DLG1: variants seen among roughly 807,000 people sequenced by gnomAD.
The protein encoded by DLG1 is disks large homolog 1.
In DLG1, 42 loss-of-function variants were observed where a neutral mutation model predicts 123.4. The observed-to-expected ratio is 0.34, with a 90% CI of 0.27 to 0.44. DLG1 has a LOEUF of 0.44. DLG1 is among the 20% of genes least tolerant of loss of function. The pLI, the probability that DLG1 is intolerant of heterozygous loss-of-function variation, is 1.00. For missense variants in DLG1, 942 were observed against 1,082.6 expected (o/e 0.87, Z 1.82); for synonymous variants, 317 against 356.2 (o/e 0.89, Z 1.24).
At chr3:197,105,864 G>A (rs1036706248) in intron 13 of DLG1, among the ~76,000 whole-genome samples, 1 of 152,024 alleles carries the variant, frequency 6.6e-6, no homozygotes, top group Non-Finnish European at 1.5e-5. Flanking sequence ...ATAGAATATG[G>A]CAATGTTCAG....
chr3:197,293,900 T>C (rs2151273672), intron 3 of DLG1: 1 of 108,708 alleles, frequency 9.2e-6, no homozygotes, highest in Middle Eastern at 5.4e-4. Context: ...AGAGTGCCAC[T>C]TACTGAGAGA....
chr3:197,054,333 TCTCTCTA>T (rs896621095), intron 23 of DLG1, among the ~76,000 whole-genome samples: 1 of 13,982 alleles, frequency 7.2e-5, no homozygotes, highest in Non-Finnish European at 1.4e-4. Context: ...CTCTCTGCCT[TCTCTCTA>T]TTCTCCTTCA....
In DLG1 at chr3:197,174,567, T is replaced by C. The variant is rs562109647; in HGVS notation, c.483+19858A>G. On this transcript the variant is annotated intron_variant, in intron 5 of 24. Coordinates refer to ENST00000667157, the MANE Select transcript of DLG1 (RefSeq NM_001366207.1). ...TTGTTCTCCCTTCAAAATCCTGCTA[T>C]GGTACTTAGTTTGGCTAAAGCAATT... Among the ~76,000 whole-genome samples, 4 of 152,340 alleles carry C rather than the reference T, an allele frequency of 2.6e-5. No homozygotes were observed. In the East Asian group the frequency reaches 7.7e-4, roughly 29 times the overall value.
chr3:197,194,724 C>G (rs1721487546), intron 4 of DLG1, 135 bp from the exon 5 acceptor site: 5 of 488,194 alleles, frequency 1.0e-5, no homozygotes, highest in Non-Finnish European at 3.5e-6. Context: ...CATCAGATCT[C>G]AGAGAAATAG....
intron 4 of DLG1, among the ~76,000 whole-genome samples, chr3:197,245,123 AT>A (rs1465117877): frequency 1.3e-5 from 2 of 152,058 alleles, no homozygotes; most frequent in Non-Finnish European, 2.9e-5. Flanking sequence ...GGTTTGGTTC[AT>A]TCTTTCTACT....
intron 5 of DLG1, among the ~76,000 whole-genome samples, chr3:197,187,186 C>T (rs954991324): frequency 7.9e-5 from 12 of 152,150 alleles, no homozygotes; most frequent in African/African-American, 2.9e-4. Flanking sequence ...TCAGTGCATG[C>T]AAACTATATG....
chr3:197,242,255 T>C (rs1324679261), intron 4 of DLG1, among the ~76,000 whole-genome samples: 3 of 152,012 alleles, frequency 2.0e-5, no homozygotes, highest in Non-Finnish European at 4.4e-5. Context: ...GATATAACAA[T>C]TATAAATATT....
chr3:197,232,380 AG>A (rs1743651346), intron 4 of DLG1, among the ~76,000 whole-genome samples: 1 of 143,994 alleles, frequency 6.9e-6, no homozygotes, highest in African/African-American at 2.5e-5. Flanking sequence ...AAAAAAAAAA[AG>A]GTGCAAGAAG....
At chr3:197,230,282 A>G (rs1384541242) in intron 4 of DLG1, among the ~76,000 whole-genome samples, 3 of 152,328 alleles carry the variant, frequency 2.0e-5, no homozygotes, top group South Asian at 4.1e-4. Context: ...TGAATTTATT[A>G]AGTAAATATA....
intron 4 of DLG1, among the ~76,000 whole-genome samples, chr3:197,267,040 C>G (rs1761966726): frequency 6.6e-6 from 1 of 152,140 alleles, no homozygotes; most frequent in South Asian, 2.1e-4. Context: ...GCACCAAATT[C>G]AAGACAGAGG....
intron 4 of DLG1, among the ~76,000 whole-genome samples, chr3:197,199,499 C>A (rs1724476537): frequency 6.6e-6 from 1 of 152,098 alleles, no homozygotes. Context: ...CCCAACATAT[C>A]TCATTATGTA....
intron 11 of DLG1, among the ~76,000 whole-genome samples, chr3:197,127,315 A>C (rs952234592): frequency 2.1e-5 from 3 of 146,024 alleles, no homozygotes; most frequent in Admixed American, 6.9e-5. Flanking sequence ...CCCTGCTACT[A>C]GGGGGGCTGA....
At chr3:197,294,983 G>A (rs1020370028) in intron 3 of DLG1, among the ~76,000 whole-genome samples, 3 of 151,962 alleles carry the variant, frequency 2.0e-5, no homozygotes, top group Non-Finnish European at 4.4e-5. Context: ...AAATTACTAG[G>A]CTCAATGTTG....
chr3:197,207,811 C>A (rs1204242444), intron 4 of DLG1, among the ~76,000 whole-genome samples: 2 of 128,452 alleles, frequency 1.6e-5, no homozygotes, highest in African/African-American at 5.0e-5. Flanking sequence ...GTAGCTACAA[C>A]AAAAATATCC....
Position 197,221,412 on chromosome 3 carries a change from C to T in DLG1, c.319-26823G>A, listed in dbSNP as rs527672415. ...GCGGGCGCCTGTAATCCCAGCTACT[C>T]GGGAGGCTGACGTGGGAAAATCACT... On this transcript the variant is annotated intron_variant, in intron 4 of 24. Transcript: ENST00000667157. Among the ~76,000 whole-genome samples the T allele has an allele frequency of 8.6e-5, 13 of 151,962 alleles. No homozygotes were observed. The South Asian group carries it at 1.9e-3, about 22-fold the overall frequency.
chr3:197,203,985 A>G (rs1442807834), intron 4 of DLG1, among the ~76,000 whole-genome samples: 4 of 152,224 alleles, frequency 2.6e-5, no homozygotes, highest in Non-Finnish European at 4.4e-5. Flanking sequence ...TCTCTGTGGC[A>G]GAAGGCCCCG....
At chr3:197,298,786 C>G (rs530777646), upstream of DLG1, among the ~76,000 whole-genome samples, 2 of 152,104 alleles carry the variant, frequency 1.3e-5, no homozygotes, top group East Asian at 3.9e-4. Flanking sequence ...TAGTAATAGG[C>G]TTGGGGGGAG....
chr3:197,146,383 C>T (rs1403023327), intron 6 of DLG1, among the ~76,000 whole-genome samples: 2 of 152,168 alleles, frequency 1.3e-5, no homozygotes, highest in Non-Finnish European at 2.9e-5. Flanking sequence ...GGAGGCATCA[C>T]ATTACCTGAC....
intron 23 of DLG1, among the ~76,000 whole-genome samples, chr3:197,056,794 G>C (rs2148785236): frequency 6.6e-6 from 1 of 152,312 alleles, no homozygotes; most frequent in South Asian, 2.1e-4. Context: ...TAGGACCCCA[G>C]AATCTGGGTG....
Sources: gnomAD v4.1 joint callset for allele counts (sites outside exome capture counted in the v4.1 genomes callset) on GRCh38, gnomAD v4.1.1 for gene constraint, MANE v1.5 for transcripts, NCBI Gene and HGNC (gene_info 2026-07-23, HGNC 2026-07-21) for gene names.